Variants in GRIP1 observed in about 807,000 individuals in gnomAD.
GRIP1 encodes glutamate receptor interacting protein 1.
Under a neutral mutation model 129.9 loss-of-function variants are expected in GRIP1, and 45 were observed. The observed-to-expected ratio is 0.35, with a 90% CI of 0.27 to 0.44. GRIP1 has a LOEUF of 0.44. Ranked by LOEUF, GRIP1 falls within the 20% of genes least tolerant of loss-of-function variation. The probability of loss-of-function intolerance (pLI) is 1.00; values close to 1 mark genes in which losing one functional copy is unlikely to be tolerated. For synonymous variants in GRIP1, 530 were observed against 520.8 expected (o/e 1.02, Z -0.24); for missense variants, 1,196 against 1,396.8 (o/e 0.86, Z 2.29).
Position 66,406,304 on chromosome 12 carries a change from G to A in GRIP1, c.1963C>T (p.Arg655Cys), listed in dbSNP as rs201662071. ...QCEDLVKLKIRKDEDNSDEQE... is the reference protein window; with the variant it reads ...QCEDLVKLKICKDEDNSDEQE... Reference sequence around the variant, plus strand: ...ATACCTGAATTATCTTCATCTTTGCGGATTTTGAGCTTCACCAGGTCTTCA... The same window carrying A: ...ATACCTGAATTATCTTCATCTTTGCAGATTTTGAGCTTCACCAGGTCTTCA... The change falls in exon 16 of 25, where the codon CGC (arginine) becomes TGC (cysteine). Residue 655 changes from arginine to cysteine, a missense_variant. Arg to Cys is a radical substitution (Grantham distance 180, BLOSUM62 -3). Around this residue, in one of 5 missense-constraint regions of GRIP1, gnomAD observed 508 missense variants for 587.0 expected, o/e 0.87. Transcript: ENST00000359742. 2.5e-5 allele frequency: 41 copies of A among 1,614,044 alleles called. No individual in the cohort carries two copies. Among genetic ancestry groups the A allele is most frequent in the South Asian group, 3.3e-5 (3 of 91,076 alleles).
intron 1 of GRIP1, among the ~76,000 whole-genome samples, chr12:66,765,393 T>G (rs1424405586): frequency 6.6e-6 from 1 of 152,248 alleles, no homozygotes; most frequent in East Asian, 1.9e-4. Context: ...CATGACAATC[T>G]TTGAAATGAC....
chr12:66,375,258 T>G (rs977155757), intron 22 of GRIP1, among the ~76,000 whole-genome samples: 1 of 152,182 alleles, frequency 6.6e-6, no homozygotes, highest in Non-Finnish European at 1.5e-5. Flanking sequence ...TTCTCTCCTT[T>G]GTTAAAACTA....
At chr12:67,033,271 G>GTGTATATA (rs571378077) in intron 1 of GRIP1, among the ~76,000 whole-genome samples, 50 of 143,032 alleles carry the variant, frequency 3.5e-4, no homozygotes, top group Non-Finnish European at 7.2e-4. Context: ...AAGACTACAT[G>GTGTATATA]TATATATATA....
At chr12:66,655,759 G>A (rs550454941) in intron 1 of GRIP1, among the ~76,000 whole-genome samples, 7 of 151,960 alleles carry the variant, frequency 4.6e-5, no homozygotes, top group South Asian at 4.2e-4. Flanking sequence ...ACAGGTATCC[G>A]CCACTGCGCC....
At chr12:66,574,154 G>A (rs141840100) in intron 2 of GRIP1, among the ~76,000 whole-genome samples, 62 of 152,274 alleles carry the variant, frequency 4.1e-4, no homozygotes, top group African/African-American at 1.2e-3. Flanking sequence ...GAGATGCCTC[G>A]TCTTCTTCCT....
chr12:66,958,094 G>A (rs1052731833), intron 1 of GRIP1, among the ~76,000 whole-genome samples: 7 of 152,094 alleles, frequency 4.6e-5, no homozygotes, highest in African/African-American at 7.2e-5. Context: ...GAGCTCTTCA[G>A]TTGGTTCTTG....
chr12:66,840,321 C>CAAT (rs759524549), intron 1 of GRIP1, among the ~76,000 whole-genome samples: 5 of 152,212 alleles, frequency 3.3e-5, no homozygotes, highest in Non-Finnish European at 7.4e-5. Context: ...TATTAAGGAA[C>CAAT]AATAATGAGC....
upstream of GRIP1, chr12:66,804,209 C>A: frequency 2.2e-6 from 1 of 445,964 alleles, no homozygotes; most frequent in Non-Finnish European, 4.5e-6. Context: ...TGCAGCGCGG[C>A]ACAGCTAGCA....
intron 1 of GRIP1, among the ~76,000 whole-genome samples, chr12:67,005,515 T>C (rs1379657496): frequency 2.6e-5 from 4 of 152,362 alleles, no homozygotes; most frequent in Admixed American, 2.6e-4. Flanking sequence ...AGGAAGGTAC[T>C]ATTTGCATAG....
intron 1 of GRIP1, among the ~76,000 whole-genome samples, chr12:66,877,235 G>A (rs1166674049): frequency 1.3e-5 from 2 of 151,904 alleles, no homozygotes; most frequent in Admixed American, 1.3e-4. Flanking sequence ...TATTTCATTA[G>A]GTCTTCCAAA....
chr12:66,361,591 A>G (rs1359828228), intron 23 of GRIP1, among the ~76,000 whole-genome samples: 1 of 152,230 alleles, frequency 6.6e-6, no homozygotes, highest in Non-Finnish European at 1.5e-5. Context: ...GCAAGCAGCT[A>G]GTCCCCTAGT....
At position 66,802,010 on chromosome 12, in the gene GRIP1, G is replaced by A. The variant is rs182332271; in HGVS notation, c.-420+2043C>T. Among the ~76,000 whole-genome samples the A allele has an allele frequency of 9.1e-4, 138 of 152,140 alleles. 2 individuals carry two copies. The highest frequency in any genetic ancestry group is 3.4e-3 in the Middle Eastern group (1 of 294). ...ATTTGAGAGGACTGGTTTTAAGGTCGGTCTCACTCTTTAATGCTTTTCTAC... is the reference window on the plus strand; with the variant it reads ...ATTTGAGAGGACTGGTTTTAAGGTCAGTCTCACTCTTTAATGCTTTTCTAC... On this transcript the variant is annotated intron_variant, in intron 1 of 4. Transcript: ENST00000538373.
chr12:67,005,158 A>G (rs17103154), intron 1 of GRIP1, among the ~76,000 whole-genome samples: 4,925 of 152,300 alleles, frequency 0.032, 189 homozygotes, highest in Admixed American at 0.077. Flanking sequence ...TTCAGACCAC[A>G]TGGAAAATTT....
intron 1 of GRIP1, among the ~76,000 whole-genome samples, chr12:66,777,840 T>G (rs944114945): frequency 6.6e-6 from 1 of 152,192 alleles, no homozygotes; most frequent in Non-Finnish European, 1.5e-5. Context: ...ATCAGAAGCA[T>G]GCAGAAATAC....
intron 7 of GRIP1, among the ~76,000 whole-genome samples, chr12:66,503,702 C>T (rs1228018750): frequency 6.6e-6 from 1 of 152,134 alleles, no homozygotes; most frequent in Non-Finnish European, 1.5e-5. Flanking sequence ...TGTCAGGATA[C>T]ACATGTGCCC....
intron 1 of GRIP1, among the ~76,000 whole-genome samples, chr12:66,803,483 G>A (rs529504757): frequency 7.2e-5 from 11 of 152,134 alleles, no homozygotes; most frequent in African/African-American, 1.4e-4. Flanking sequence ...GACATATTAC[G>A]GATACTACAG....
At chr12:66,554,620 G>A (rs1443259607) in intron 2 of GRIP1, among the ~76,000 whole-genome samples, 1 of 152,190 alleles carries the variant, frequency 6.6e-6, no homozygotes. Context: ...CTTGGCTCAT[G>A]AATGGCATTT....
chr12:66,905,385 T>C (rs373778994), intron 1 of GRIP1, among the ~76,000 whole-genome samples: 39 of 84,182 alleles, frequency 4.6e-4, no homozygotes, highest in African/African-American at 1.1e-3. Context: ...ATAGATGCCA[T>C]TGGAATTACA....
At position 66,615,846 on chromosome 12, in the gene GRIP1, T is replaced by C. The variant is rs929902735; in HGVS notation, c.56-18919A>G. Among the ~76,000 whole-genome samples the C allele has an allele frequency of 4.6e-5, 7 of 152,050 alleles. No homozygotes were observed. In the South Asian group the frequency reaches 8.3e-4, roughly 18 times the overall value. ...TTTTAGTAGAGGCAGGGTTTCACCA[T>C]GTTGGCCAGGTTGGTCTCGAACTCC... On this transcript the variant is annotated intron_variant, in intron 1 of 24. Transcript: ENST00000359742.
Sources: gnomAD v4.1 joint callset for allele counts (sites outside exome capture counted in the v4.1 genomes callset) on GRCh38, gnomAD v4.1.1 for gene constraint, gnomAD v4.1.1 regional missense constraint, MANE v1.5 for transcripts, NCBI Gene and HGNC (gene_info 2026-07-23, HGNC 2026-07-21) for gene names.